The following NIN variants were observed in gnomAD, a reference collection of about 807,000 sequenced individuals.
The protein encoded by NIN is ninein.
NIN carries 137 observed loss-of-function variants against 257.6 expected under a neutral mutation model. The observed-to-expected ratio is 0.53, with a 90% CI of 0.46 to 0.61. The LOEUF (loss-of-function observed/expected upper bound fraction) is 0.61. NIN is among the 20% of genes least tolerant of loss of function. NIN has a pLI of 0.00. For missense variants in NIN, 2,439 were observed against 2,501.2 expected (o/e 0.98, Z 0.53); for synonymous variants, 918 against 919.8 (o/e 1.00, Z 0.04).
At chr14:50,759,829 G>A in intron 17 of NIN, 28 bp downstream of exon 17, 4 of 1,576,042 alleles carry the variant, frequency 2.5e-6, no homozygotes. Context: ...GGTGCCCCAG[G>A]TAGCTTCATT....
intron 3 of NIN, among the ~76,000 whole-genome samples, chr14:50,821,395 C>T (rs1221670757): frequency 2.0e-5 from 3 of 152,232 alleles, no homozygotes. Context: ...TGAACCTGCA[C>T]TGTATTTATT....
At chr14:50,807,608 C>G (rs1042929966) in intron 3 of NIN, among the ~76,000 whole-genome samples, 2 of 152,150 alleles carry the variant, frequency 1.3e-5, no homozygotes, top group African/African-American at 4.8e-5. Context: ...TGACATAGAA[C>G]CCCCATGTAA....
At chr14:50,791,071 G>A (rs1270236974) in intron 5 of NIN, among the ~76,000 whole-genome samples, 1 of 152,140 alleles carries the variant, frequency 6.6e-6, no homozygotes, top group Non-Finnish European at 1.5e-5. Context: ...AAACTTAAAA[G>A]TGTTTTCCAA....
intron 4 of NIN, among the ~76,000 whole-genome samples, chr14:50,799,876 G>A (rs1416546918): frequency 6.6e-6 from 1 of 152,090 alleles, no homozygotes; most frequent in African/African-American, 2.4e-5. Flanking sequence ...TCGGCAGGCT[G>A]GGGCAGAAGA....
chr14:50,756,688 G>C lies in NIN; in HGVS notation c.4342C>G (p.Gln1448Glu). ...AGTTCTAACTCTGCTATGGTGGCCT[G>C]ATGCTGAAAATGTTTGTCTTGAAAG... is the stretch of plus-strand genomic sequence containing the variant. ...LGFQDKHFQH[Q>E]ATIAELELEK... The change falls in exon 18 of 31, where the codon CAG becomes GAG. Residue 1448 changes from glutamine to glutamate, a missense_variant. This residue lies in a region of NIN where 2,043 missense variants were observed against 2,050.2 expected (regional missense o/e 1.00). Coordinates refer to ENST00000530997, the MANE Select transcript of NIN (RefSeq NM_020921.4). The C allele has an allele frequency of 6.4e-7, 1 of 1,551,774 alleles. No individual in the cohort carries two copies. Among genetic ancestry groups the C allele is most frequent in the Non-Finnish European group, 8.7e-7 (1 of 1,147,034 alleles).
At chr14:50,810,925 G>C (rs1278650367) in intron 3 of NIN, among the ~76,000 whole-genome samples, 1 of 152,148 alleles carries the variant, frequency 6.6e-6, no homozygotes, top group East Asian at 1.9e-4. Flanking sequence ...GCCTCTGAAA[G>C]TGCTGGGATT....
chr14:50,799,889 C>T (rs1402281862), intron 4 of NIN, among the ~76,000 whole-genome samples: 1 of 151,986 alleles, frequency 6.6e-6, no homozygotes, highest in Non-Finnish European at 1.5e-5. Flanking sequence ...GCAGAAGAAT[C>T]GCTTGAACCC....
At chr14:50,738,458 T>C (rs1346771775) in intron 26 of NIN, among the ~76,000 whole-genome samples, 172 bp from the exon 27 acceptor site, 10 of 152,210 alleles carry the variant, frequency 6.6e-5, no homozygotes, top group Admixed American at 5.9e-4. Context: ...AGACCCTTTC[T>C]AGGTGAGTCT....
In NIN at chr14:50,721,331, CA is replaced by C. The variant is rs2040266637; in HGVS notation, c.*2131del. 4.8e-6 allele frequency: 1 copy of C among 206,212 alleles called. No homozygotes were observed. The highest frequency in any genetic ancestry group is 2.3e-5 in the African/African-American group (1 of 43,836). The allele number at this position is 206,212 out of a possible 1,614,324, so 12.8% of individuals were successfully genotyped here. On this transcript the variant is annotated 3_prime_UTR_variant, in exon 31 of 31. Transcript: ENST00000530997. The stretch of plus-strand genomic sequence containing the variant: ...TGTACATTTTATATACACATAAATA[CA>C]AATTTATAGGAAATAAACAAATTAA...
At chr14:50,741,064 A>G (rs977425999) in intron 25 of NIN, among the ~76,000 whole-genome samples, 3 of 152,348 alleles carry the variant, frequency 2.0e-5, no homozygotes, top group Non-Finnish European at 4.4e-5. Flanking sequence ...CTGAAATTCA[A>G]TACTATTGTT....
In NIN at chr14:50,759,884, T is replaced by C; in HGVS notation, c.2372A>G (p.Lys791Arg). 6.2e-7 allele frequency: 1 copy of C among 1,612,292 alleles called. No homozygotes were observed. The highest frequency in any genetic ancestry group is 2.2e-5 in the East Asian group (1 of 44,864). Reference sequence around the variant, plus strand: ...TCCCTCCTGAAGCTCCCTTTGGTGCTTTTCCAAGAGCTCTTTTCTTAACTC... The same window carrying C: ...TCCCTCCTGAAGCTCCCTTTGGTGCCTTTCCAAGAGCTCTTTTCTTAACTC... Reference protein sequence around the residue: ...KEELRKELLEKHQRELQEGRE... With the variant: ...KEELRKELLERHQRELQEGRE... The change falls in exon 17 of 31, where the codon AAG (lysine) becomes AGG (arginine). Residue 791 changes from lysine to arginine, a missense_variant. Lys to Arg is a conservative substitution (Grantham distance 26, BLOSUM62 2). Around this residue, in one of 3 missense-constraint regions of NIN, gnomAD observed 2,043 missense variants for 2,050.2 expected, o/e 1.00. Coordinates refer to ENST00000530997, the MANE Select transcript of NIN (RefSeq NM_020921.4).
At chr14:50,803,214 C>T (rs1206166121) in intron 4 of NIN, among the ~76,000 whole-genome samples, 2 of 152,096 alleles carry the variant, frequency 1.3e-5, no homozygotes, top group African/African-American at 4.8e-5. Context: ...ATGAGCCAGG[C>T]GTAGTGGTGG....
chr14:50,750,567 T>C (rs1039681984), intron 21 of NIN, among the ~76,000 whole-genome samples: 6 of 125,260 alleles, frequency 4.8e-5, no homozygotes, highest in Non-Finnish European at 8.6e-5. Context: ...AGCATGTAGA[T>C]ACAGTTCATC....
intron 3 of NIN, among the ~76,000 whole-genome samples, chr14:50,817,939 T>C (rs1015705494): frequency 6.6e-6 from 1 of 151,728 alleles, no homozygotes; most frequent in Non-Finnish European, 1.5e-5. Context: ...TGCTCTCGAA[T>C]TCCTGAGCTC....
chr14:50,792,712 C>T lies in NIN; in HGVS notation c.435G>A (p.Glu145=). ...TGAACGTGCATGCCCGATTCCTTAC[C>T]TCACTGCAGTCACCGGCTGGGATGT... is the stretch of plus-strand genomic sequence containing the variant. The part of the protein sequence containing the change: ...PSHIPAGDCS[E]HWKTQRSEEY... The change falls in exon 5 of 31, where the codon GAG becomes GAA. Residue 145 remains glutamate (E), a splice_region_variant and synonymous_variant. Transcript: ENST00000530997. 1.2e-6 allele frequency: 2 copies of T among 1,614,166 alleles called. No homozygotes were observed. Among genetic ancestry groups the T allele is most frequent in the Non-Finnish European group, 8.5e-7 (1 of 1,180,018 alleles).
intron 22 of NIN, among the ~76,000 whole-genome samples, chr14:50,746,391 G>A (rs2041540607): frequency 6.6e-6 from 1 of 152,180 alleles, no homozygotes; most frequent in South Asian, 2.1e-4. Flanking sequence ...CATAGCAGTA[G>A]TTAACTTGAA....
intron 4 of NIN, among the ~76,000 whole-genome samples, chr14:50,796,491 AAAT>A (rs2043844763): frequency 1.3e-5 from 2 of 152,190 alleles, no homozygotes; most frequent in Admixed American, 1.3e-4. Context: ...CGGGCCTTAG[AAAT>A]GACAGCTGGG....
Position 50,806,804 on chromosome 14 carries a change from T to C in NIN, c.198A>G (p.Gln66=), listed in dbSNP as rs1253664155. 5 of 1,532,954 alleles carry C rather than the reference T, an allele frequency of 3.3e-6. No individual in the cohort carries two copies. In the African/African-American group the frequency reaches 5.5e-5, roughly 17 times the overall value. 95.0% of individuals were successfully genotyped at this position (1,532,954 alleles called of 1,614,324 possible). A position where few individuals can be genotyped will look rare whatever the true frequency, so the allele number is the denominator to read the frequency against. The change falls in exon 4 of 31, where the codon CAA becomes CAG. Residue 66 remains glutamine, a synonymous_variant. Transcript: ENST00000530997. The part of the protein sequence containing the change: ...DNLLGRVHFD[Q]FKEALILILS... ...AGATGAGTATTAATGCTTCTTTAAATTGGTCAAAATGTACCTAAAAAAAAT... is the reference window on the plus strand; with the variant it reads ...AGATGAGTATTAATGCTTCTTTAAACTGGTCAAAATGTACCTAAAAAAAAT...
intron 4 of NIN, among the ~76,000 whole-genome samples, chr14:50,798,269 G>C (rs896897149): frequency 6.6e-6 from 1 of 152,164 alleles, no homozygotes; most frequent in African/African-American, 2.4e-5. Flanking sequence ...TGAATGCAGT[G>C]ACAGAATCTT....
Sources: allele counts gnomAD v4.1 joint callset (sites outside exome capture counted in the v4.1 genomes callset), GRCh38; gene constraint gnomAD v4.1.1; regional missense constraint gnomAD v4.1.1; transcripts MANE v1.5; gene names NCBI Gene and HGNC (gene_info 2026-07-23, HGNC 2026-07-21).